Variants in CTBP2 observed in about 807,000 individuals in gnomAD.
CTBP2 encodes C-terminal binding protein 2.
A neutral mutation model predicts 80.3 loss-of-function variants in CTBP2; 30 were observed. That is an observed-to-expected ratio of 0.37 (90% CI 0.28 to 0.51). The LOEUF (loss-of-function observed/expected upper bound fraction) is 0.51. Among genes scored for constraint, CTBP2 ranks in the 20% least tolerant of loss-of-function variants. The probability of loss-of-function intolerance (pLI) is 0.93; values close to 1 mark genes in which losing one functional copy is unlikely to be tolerated. For synonymous variants in CTBP2, 594 were observed against 587.4 expected, an observed-to-expected ratio of 1.01 and a Z score of -0.16; for missense variants, 1,212 against 1,375.3, an observed-to-expected ratio of 0.88 and a Z score of 1.88.
chr10:125,141,556 C>A (rs1857819163), intron 1 of CTBP2, among the ~76,000 whole-genome samples: 1 of 152,124 alleles, frequency 6.6e-6, no homozygotes, highest in South Asian at 2.1e-4. Flanking sequence ...CGCTCAACCA[C>A]CCCAGACCAC....
At chr10:125,051,429 C>A (rs1169021460) in intron 2 of CTBP2, among the ~76,000 whole-genome samples, 1 of 152,218 alleles carries the variant, frequency 6.6e-6, no homozygotes, top group Non-Finnish European at 1.5e-5. Context: ...CACTTGAGGT[C>A]AGGAGTTTGA....
chr10:125,112,583 C>T (rs1280752098), intron 1 of CTBP2, among the ~76,000 whole-genome samples: 2 of 152,124 alleles, frequency 1.3e-5, no homozygotes, highest in African/African-American at 4.8e-5. Flanking sequence ...CGCATGCCAC[C>T]ATGCCCGGAT....
intron 1 of CTBP2, among the ~76,000 whole-genome samples, chr10:125,138,430 C>T (rs1039110085): frequency 3.9e-5 from 6 of 152,242 alleles, no homozygotes; most frequent in South Asian, 4.2e-4. Flanking sequence ...TGAAACACAT[C>T]CGCGTTTGGT....
chr10:125,003,724 C>T (rs1212008699), intron 1 of CTBP2, among the ~76,000 whole-genome samples: 1 of 152,204 alleles, frequency 6.6e-6, no homozygotes, highest in Non-Finnish European at 1.5e-5. Flanking sequence ...TGCTTCCCTG[C>T]CAGCAGACCA....
At position 125,026,568 on chromosome 10, in the gene CTBP2, G is replaced by A. The variant is rs1228965818; in HGVS notation, c.1192C>T (p.Arg398Ter). The A allele has an allele frequency of 8.3e-6, 13 of 1,566,098 alleles. No homozygotes were observed. Among genetic ancestry groups the A allele is most frequent in the African/African-American group, 6.8e-5 (5 of 73,634 alleles). The change falls in exon 1 of 9, where the codon CGA becomes TGA. Residue 398 changes from arginine (R) to a stop codon, truncating the protein, a stop_gained. Transcript: ENST00000309035. LOFTEE classifies it high-confidence loss of function. The stretch of plus-strand genomic sequence containing the variant: ...GGACGGCGAGCCGGGTCTCCAGCTC[G>A]GGGGGATGCTGTCTGCAGAGGAGCC...
chr10:124,994,302 G>A (rs569630729), intron 5 of CTBP2, among the ~76,000 whole-genome samples, 167 bp downstream of exon 7: 43 of 152,234 alleles, frequency 2.8e-4, no homozygotes, highest in Non-Finnish European at 5.4e-4. Flanking sequence ...GGCTCAGCCC[G>A]AGGAAGGGGC....
At chr10:125,091,710 T>C (rs891123016) in intron 2 of CTBP2, among the ~76,000 whole-genome samples, 3 of 152,180 alleles carry the variant, frequency 2.0e-5, no homozygotes, top group Non-Finnish European at 4.4e-5. Context: ...TCAAGACTGC[T>C]GTGAGCTGTG....
intron 1 of CTBP2, among the ~76,000 whole-genome samples, chr10:125,155,636 A>C (rs755219102): frequency 7.9e-5 from 12 of 152,154 alleles, no homozygotes; most frequent in Non-Finnish European, 1.5e-4. Context: ...ATGGTTCTTA[A>C]GTTTTTAGCA....
chr10:125,031,306 T>G (rs1418943598), upstream of CTBP2, among the ~76,000 whole-genome samples: 2 of 151,726 alleles, frequency 1.3e-5, no homozygotes, highest in East Asian at 1.9e-4. Context: ...CTGGCCAACA[T>G]GGCGAAACCC....
chr10:125,144,651 C>T (rs1223640648), intron 1 of CTBP2, among the ~76,000 whole-genome samples: 3 of 152,076 alleles, frequency 2.0e-5, no homozygotes, highest in East Asian at 1.9e-4. Context: ...GCCTCGGGGG[C>T]GCTCCTGAAG....
intron 1 of CTBP2, chr10:125,026,070 A>T: frequency 6.5e-7 from 1 of 1,545,152 alleles, no homozygotes. Flanking sequence ...GCAGGCGGGG[A>T]GGATGTATTA....
At chr10:125,052,993 G>A (rs1963123309) in intron 2 of CTBP2, among the ~76,000 whole-genome samples, 1 of 152,168 alleles carries the variant, frequency 6.6e-6, no homozygotes, top group African/African-American at 2.4e-5. Flanking sequence ...TGAAGTTTAT[G>A]AATACGCATC....
intron 1 of CTBP2, chr10:125,026,025 C>A (rs137877215): frequency 6.6e-7 from 1 of 1,521,492 alleles, no homozygotes; most frequent in South Asian, 1.3e-5. Context: ...TCTACAACCC[C>A]GCACCCCCCT....
At chr10:125,044,082 C>A (rs779393750) in intron 2 of CTBP2, among the ~76,000 whole-genome samples, 2 of 152,154 alleles carry the variant, frequency 1.3e-5, no homozygotes, top group East Asian at 3.9e-4. Flanking sequence ...CGATCCAATG[C>A]AGGAAGAAAA....
At chr10:125,155,698 C>T (rs1225531717) in intron 1 of CTBP2, among the ~76,000 whole-genome samples, 1 of 150,384 alleles carries the variant, frequency 6.6e-6, no homozygotes, top group Non-Finnish European at 1.5e-5. Context: ...AAAAAAAAAA[C>T]TCTTTCATAA....
intron 2 of CTBP2, among the ~76,000 whole-genome samples, chr10:125,049,000 T>C (rs569813157): frequency 6.6e-6 from 1 of 150,696 alleles, no homozygotes; most frequent in East Asian, 2.0e-4. Context: ...CTGGCCAGAA[T>C]GCACATTAAT....
At chr10:125,090,285 CAA>C (rs56714830) in intron 2 of CTBP2, among the ~76,000 whole-genome samples, 27 of 65,386 alleles carry the variant, frequency 4.1e-4, no homozygotes, top group Admixed American at 7.4e-4. Flanking sequence ...GTCCCTGGCT[CAA>C]AAAAAAAAAA....
intron 1 of CTBP2, among the ~76,000 whole-genome samples, chr10:125,118,543 A>G (rs563328158): frequency 2.0e-5 from 3 of 152,278 alleles, no homozygotes; most frequent in Admixed American, 2.0e-4. Flanking sequence ...CCCACACCCA[A>G]AGCTGCCCGT....
intron 7 of CTBP2, 38 bp downstream of exon 9, chr10:124,993,164 G>C (rs1416154147): frequency 6.3e-7 from 1 of 1,577,342 alleles, no homozygotes; most frequent in African/African-American, 1.3e-5. Flanking sequence ...GTGGAGCTGA[G>C]GCTGCCCTTG....
Sources: gnomAD v4.1 joint callset for allele counts (sites outside exome capture counted in the v4.1 genomes callset) on GRCh38, gnomAD v4.1.1 for gene constraint, MANE v1.5 for transcripts, NCBI Gene and HGNC (gene_info 2026-07-23, HGNC 2026-07-21) for gene names.